The following FAN1 variants were observed in gnomAD, a reference collection of about 807,000 sequenced individuals.
FAN1 encodes FANCD2 and FANCI associated nuclease 1, also known as fanconi-associated nuclease 1.
A neutral mutation model predicts 104.9 loss-of-function variants in FAN1; 91 were observed. The observed-to-expected ratio is 0.87, with a 90% CI of 0.73 to 1.03. The LOEUF (loss-of-function observed/expected upper bound fraction) is 1.03, where lower values mean the gene tolerates loss of function less well. Ranked by LOEUF, FAN1 falls within the 50% of genes least tolerant of loss-of-function variation. The pLI is 0.00. For missense variants in FAN1, 1,263 were observed against 1,239.9 expected (o/e 1.02, Z -0.28); for synonymous variants, 478 against 457.6 (o/e 1.04, Z -0.57).
rs2062546041 is a variant in FAN1, at chr15:30,929,093, AAG to A, written c.2593-108_2593-107del. On this transcript the variant is annotated intron_variant, in intron 11 of 14. Transcript: ENST00000362065. ...TAACTTTTACTTATCTTTTGAGAGAAAGAATGTATCGGTTGGCCGGTTTCCAA... is the reference window on the plus strand; with the variant it reads ...TAACTTTTACTTATCTTTTGAGAGAAAATGTATCGGTTGGCCGGTTTCCAA... 3 of 897,324 alleles carry A rather than the reference AAG, an allele frequency of 3.3e-6. No homozygotes were observed. In the Admixed American group the frequency reaches 9.3e-5, roughly 28 times the overall value. 55.6% of individuals were successfully genotyped at this position (897,324 alleles called of 1,614,324 possible). A position where few individuals can be genotyped will look rare whatever the true frequency, so the allele number is the denominator to read the frequency against.
At chr15:30,909,990 G>T (rs1000066150) in intron 3 of FAN1, among the ~76,000 whole-genome samples, 1 of 152,214 alleles carries the variant, frequency 6.6e-6, no homozygotes, top group Non-Finnish European at 1.5e-5. Context: ...CCTATGGATG[G>T]GATTTCTTTC....
At chr15:30,938,838 G>A (rs1042037080) in intron 14 of FAN1, 13 of 909,722 alleles carry the variant, frequency 1.4e-5, no homozygotes, top group African/African-American at 1.8e-5. Flanking sequence ...AGGGCAAGCA[G>A]AAACATCCCA....
chr15:30,925,224 C>G lies in FAN1; in HGVS notation c.2270C>G (p.Pro757Arg). Residue 757 changes from proline to arginine, a missense_variant, in exon 9 of 15, where the codon CCG (proline) becomes CGG (arginine). Coordinates refer to ENST00000362065, the MANE Select transcript of FAN1 (RefSeq NM_014967.5). ...YQRAVRLRESPSCKKFKHLFQ... is the reference protein window; with the variant it reads ...YQRAVRLRESRSCKKFKHLFQ... ...CGAGCCGTGCGCCTGCGAGAGTCTC[C>G]GAGCTGTAAAAAGTTCAAGCACCTC... 6.2e-7 allele frequency: 1 copy of G among 1,613,998 alleles called. No homozygotes were observed. The highest frequency in any genetic ancestry group is 2.2e-5 in the East Asian group (1 of 44,886).
At chr15:30,915,414 A>G (rs1032934864) in intron 5 of FAN1, among the ~76,000 whole-genome samples, 5 of 152,220 alleles carry the variant, frequency 3.3e-5, no homozygotes, top group Non-Finnish European at 5.9e-5. Flanking sequence ...ACAACAGTTT[A>G]TTATATATTT....
intron 13 of FAN1, among the ~76,000 whole-genome samples, chr15:30,933,284 T>G (rs1015771821): frequency 1.3e-5 from 2 of 152,226 alleles, no homozygotes; most frequent in Non-Finnish European, 2.9e-5. Flanking sequence ...TCCTTCTCAG[T>G]GCTGCTTTAT....
At position 30,929,728 on chromosome 15, in the gene FAN1, T is replaced by C. The variant is rs1398220062; in HGVS notation, c.2787+331T>C. Among the ~76,000 whole-genome samples, 4 of 42,618 alleles carry C rather than the reference T, an allele frequency of 9.4e-5. 1 individual carries two copies. The highest frequency in any genetic ancestry group is 4.3e-4 in the African/African-American group (4 of 9,242). 28.0% of individuals were successfully genotyped at this position (42,618 alleles called of 152,430 possible). On this transcript the variant is annotated intron_variant, in intron 12 of 14. Coordinates refer to ENST00000362065, the MANE Select transcript of FAN1 (RefSeq NM_014967.5). Reference sequence around the variant, plus strand: ...TATATCATATATAATATATATAAAATATATAATATATTATATCATATATAA... The same window carrying C: ...TATATCATATATAATATATATAAAACATATAATATATTATATCATATATAA...
Position 30,937,253 on chromosome 15 carries a change from C to A in FAN1, c.3051C>A (p.Ser1017Arg). The A allele has an allele frequency of 1.2e-6, 2 of 1,611,176 alleles. No individual in the cohort carries two copies. The highest frequency in any genetic ancestry group is 2.2e-5 in the South Asian group (2 of 90,102). ...VAVGAKSQSL[S>R] ...TTGGAGCTAAGAGCCAAAGCCTTAG[C>A]TAAAAGGTATGGAATTGGGGATATT... The change falls in exon 14 of 15, where the codon AGC becomes AGA. Residue 1017 changes from serine to arginine, a missense_variant. Around this residue, in one of 2 missense-constraint regions of FAN1, gnomAD observed 581 missense variants for 668.8 expected, o/e 0.87. Transcript: ENST00000362065.
rs1278347545 is a variant in FAN1 at position 30,942,665 on chromosome 15, A to G, written c.*1103A>G. The G allele has an allele frequency of 6.0e-6, 3 of 497,362 alleles. No homozygotes were observed. The Admixed American group carries it at 1.1e-4, about 18-fold the overall frequency. 30.8% of individuals were successfully genotyped at this position (497,362 alleles called of 1,614,324 possible). On this transcript the variant is annotated 3_prime_UTR_variant, in exon 15 of 15. Transcript: ENST00000362065. ...TTTAGTAAATCAGGCTTGCAGGCTC[A>G]AAGCTGCAATCTGCCCACTCTCAGG...
chr15:30,923,620 G>A (rs899098402), intron 8 of FAN1, among the ~76,000 whole-genome samples: 1 of 152,248 alleles, frequency 6.6e-6, no homozygotes, highest in East Asian at 1.9e-4. Flanking sequence ...AGCCAGCCCC[G>A]GCCTGGCCAG....
chr15:30,940,501 A>G (rs1485181174), intron 14 of FAN1: 8 of 985,362 alleles, frequency 8.1e-6, no homozygotes, highest in Non-Finnish European at 9.6e-6. Context: ...AGTTATTTCC[A>G]GGGGGAAGTG....
intron 7 of FAN1, among the ~76,000 whole-genome samples, chr15:30,921,031 A>G (rs2062317797): frequency 6.6e-6 from 1 of 152,194 alleles, no homozygotes; most frequent in Non-Finnish European, 1.5e-5. Flanking sequence ...TGATTTGCCC[A>G]CCTTGGCCTC....
intron 5 of FAN1, among the ~76,000 whole-genome samples, chr15:30,914,761 C>T (rs2062168085): frequency 6.6e-6 from 1 of 152,162 alleles, no homozygotes. Flanking sequence ...TTATTAGTAA[C>T]ACTTTAGGTA....
At chr15:30,937,397 AAC>A (rs2062886546) in intron 14 of FAN1, 138 bp downstream of exon 14, 1 of 778,720 alleles carries the variant, frequency 1.3e-6, no homozygotes, top group Admixed American at 3.1e-5. Context: ...CATATCACAA[AAC>A]AGTGTTTGCT....
rs1478434048 is a variant in FAN1, at chr15:30,941,633, T to C, written c.*71T>C. On this transcript the variant is annotated 3_prime_UTR_variant, in exon 15 of 15. Coordinates refer to ENST00000362065, the MANE Select transcript of FAN1 (RefSeq NM_014967.5). ...CGGTGTCCCCGAGGTGTCGGTGTGG[T>C]GAGGGCCGCTGGCGTTGAAGTACAT... 7.5e-6 allele frequency: 12 copies of C among 1,607,494 alleles called. No individual in the cohort carries two copies. The highest frequency in any genetic ancestry group is 1.3e-5 in the African/African-American group (1 of 74,816).
chr15:30,920,598 A>AT lies in FAN1; in HGVS notation c.1998dup (p.Thr667TyrfsTer18). On this transcript the variant is annotated frameshift_variant, in exon 7 of 15. Coordinates refer to ENST00000362065, the MANE Select transcript of FAN1 (RefSeq NM_014967.5). LOFTEE classifies it high-confidence loss of function. Reference sequence around the variant, plus strand: ...CGGTGTTTCACTGTTGGGTGGATTTATACAAGGATTTTGTCTCGGTTTGTG... The same window carrying AT: ...CGGTGTTTCACTGTTGGGTGGATTTATTACAAGGATTTTGTCTCGGTTTGTG... The AT allele has an allele frequency of 6.2e-7, 1 of 1,612,312 alleles. No individual in the cohort carries two copies. The highest frequency in any genetic ancestry group is 8.5e-7 in the Non-Finnish European group (1 of 1,179,322).
At position 30,942,982 on chromosome 15, in the gene FAN1, T is replaced by C; in HGVS notation, c.*1420T>C. 6.4e-7 allele frequency: 1 copy of C among 1,554,722 alleles called. No homozygotes were observed. Among genetic ancestry groups the C allele is most frequent in the Middle Eastern group, 1.7e-4 (1 of 5,998 alleles). On this transcript the variant is annotated 3_prime_UTR_variant, in exon 15 of 15. Transcript: ENST00000362065. ...GGGTTATGGAAAAGGGTGCGATCCT[T>C]TGCTGTAAACTGGAGAGACCAGTCC...
At chr15:30,914,932 T>G (rs1318986639) in intron 5 of FAN1, among the ~76,000 whole-genome samples, 1 of 152,212 alleles carries the variant, frequency 6.6e-6, no homozygotes, top group African/African-American at 2.4e-5. Context: ...AACTACCATG[T>G]GATCCAGCAA....
chr15:30,909,965 GC>G (rs2062062442), intron 3 of FAN1, among the ~76,000 whole-genome samples: 1 of 152,314 alleles, frequency 6.6e-6, no homozygotes, highest in African/African-American at 2.4e-5. Context: ...TAATTGTTAC[GC>G]TGGGAGGCTA....
chr15:30,905,812 G>T lies in FAN1; in HGVS notation c.1149G>T (p.Leu383=), dbSNP rs767523423. 1 of 1,614,204 alleles carries T rather than the reference G, an allele frequency of 6.2e-7. No homozygotes were observed. The highest frequency in any genetic ancestry group is 8.5e-7 in the Non-Finnish European group (1 of 1,180,020). The change falls in exon 2 of 15, where the codon CTG becomes CTT. Residue 383 remains leucine, a synonymous_variant. Coordinates refer to ENST00000362065, the MANE Select transcript of FAN1 (RefSeq NM_014967.5). ...PYYLRSFLVV[L]KTVLENEDDM... ...ACCTTCGGAGTTTCCTTGTGGTGCT[G>T]AAAACCGTACTTGAGAATGAAGATG... is the stretch of plus-strand genomic sequence containing the variant.
Sources: allele counts gnomAD v4.1 joint callset (sites outside exome capture counted in the v4.1 genomes callset), GRCh38; gene constraint gnomAD v4.1.1; regional missense constraint gnomAD v4.1.1; transcripts MANE v1.5; gene names NCBI Gene and HGNC (gene_info 2026-07-23, HGNC 2026-07-21).